Variants in PARL observed in about 807,000 individuals in gnomAD.
PARL encodes the protein presenilin associated rhomboid like.
PARL carries 44 observed loss-of-function variants against 51.6 expected under a neutral mutation model. The observed-to-expected ratio is 0.85, with a 90% CI of 0.67 to 1.10. The LOEUF (loss-of-function observed/expected upper bound fraction) is 1.10. Ranked by LOEUF, PARL falls within the 50% of genes least tolerant of loss-of-function variation. The probability of loss-of-function intolerance (pLI) is 0.00; values close to 1 mark genes in which losing one functional copy is unlikely to be tolerated. For missense variants in PARL, 441 were observed against 469.5 expected (o/e 0.94, Z 0.56); for synonymous variants, 172 against 164.0 (o/e 1.05, Z -0.37).
At chr3:183,827,194 G>A (rs1272783471), downstream of PARL, among the ~76,000 whole-genome samples, 1 of 152,150 alleles carries the variant, frequency 6.6e-6, no homozygotes, top group Admixed American at 6.5e-5. Flanking sequence ...GCTCATGCGT[G>A]GAATCCCAGC....
At chr3:183,851,981 A>C (rs1730596696) in intron 4 of PARL, among the ~76,000 whole-genome samples, 1 of 152,128 alleles carries the variant, frequency 6.6e-6, no homozygotes, top group Non-Finnish European at 1.5e-5. Context: ...GCAACTTGGC[A>C]AGACCTCATC....
chr3:183,883,609 C>T, intron 1 of PARL: 1 of 985,362 alleles, frequency 1.0e-6, no homozygotes, highest in Non-Finnish European at 1.2e-6. Flanking sequence ...ACCATGCAAT[C>T]TCAAATGGGA....
intron 9 of PARL, among the ~76,000 whole-genome samples, chr3:183,831,755 A>T (rs1173987602): frequency 6.6e-6 from 1 of 152,186 alleles, no homozygotes; most frequent in Non-Finnish European, 1.5e-5. Flanking sequence ...AAAAAAAAAT[A>T]AATAAAAGAT....
At chr3:183,839,457 C>G (rs1294692464) in intron 7 of PARL, among the ~76,000 whole-genome samples, 2 of 152,122 alleles carry the variant, frequency 1.3e-5, no homozygotes, top group African/African-American at 4.8e-5. Flanking sequence ...CTTGTTCTGT[C>G]ACCCAGGCTG....
intron 1 of PARL, among the ~76,000 whole-genome samples, chr3:183,871,798 C>T (rs1733248087): frequency 6.6e-6 from 1 of 151,978 alleles, no homozygotes; most frequent in South Asian, 2.1e-4. Context: ...GTGATAGTCA[C>T]ACAGGTGTAT....
At position 183,829,358 on chromosome 3, in the gene PARL, C is replaced by A. The variant is rs904986070; in HGVS notation, c.*240G>T. On this transcript the variant is annotated 3_prime_UTR_variant, in exon 10 of 10. Coordinates refer to ENST00000317096, the MANE Select transcript of PARL (RefSeq NM_018622.7). Reference sequence around the variant, plus strand: ...CCAAAGCAAAATGCCAGAGCCGTGTCGGCCCCTTAAAGAGAGAACACACAC... The same window carrying A: ...CCAAAGCAAAATGCCAGAGCCGTGTAGGCCCCTTAAAGAGAGAACACACAC... The A allele has an allele frequency of 3.0e-5, 41 of 1,374,030 alleles. No homozygotes were observed. The highest frequency in any genetic ancestry group is 3.8e-5 in the Non-Finnish European group (40 of 1,051,712). The allele number at this position is 1,374,030 out of a possible 1,614,324, so 85.1% of individuals were successfully genotyped here. A position where few individuals can be genotyped will look rare whatever the true frequency, so the allele number is the denominator to read the frequency against.
At chr3:183,882,219 A>AT (rs1734525423) in intron 1 of PARL, among the ~76,000 whole-genome samples, 2 of 68,326 alleles carry the variant, frequency 2.9e-5, no homozygotes, top group African/African-American at 8.0e-5. Context: ...AAAAAAAAAA[A>AT]AAAATATATA....
chr3:183,847,681 A>G lies in PARL; in HGVS notation c.512-3355T>C, dbSNP rs571181646. 3.9e-5 allele frequency among the ~76,000 whole-genome samples: 6 copies of G among 152,298 alleles called. No homozygotes were observed. In the South Asian group the frequency reaches 1.2e-3, roughly 32 times the overall value. On this transcript the variant is annotated intron_variant, in intron 4 of 9. Coordinates refer to ENST00000317096, the MANE Select transcript of PARL (RefSeq NM_018622.7). Reference sequence around the variant, plus strand: ...CCAGCAAATGGAAAACATGGTGAAAAGAGAATGGCCTTTTCAAGTCTGAAT... The same window carrying G: ...CCAGCAAATGGAAAACATGGTGAAAGGAGAATGGCCTTTTCAAGTCTGAAT...
At chr3:183,838,553 A>T (rs1186505121) in intron 7 of PARL, among the ~76,000 whole-genome samples, 1 of 152,204 alleles carries the variant, frequency 6.6e-6, no homozygotes, top group Non-Finnish European at 1.5e-5. Flanking sequence ...AACAGGAACT[A>T]CCATGTCCAC....
chr3:183,882,248 T>A (rs1279265045), intron 1 of PARL, among the ~76,000 whole-genome samples: 2,053 of 24,832 alleles, frequency 0.083, 261 homozygotes, highest in African/African-American at 0.19. Context: ...TATATATTTA[T>A]ATATATATAT....
chr3:183,836,170 T>C (rs1351679002), intron 7 of PARL, among the ~76,000 whole-genome samples: 1 of 131,886 alleles, frequency 7.6e-6, no homozygotes, highest in Non-Finnish European at 1.5e-5. Context: ...CGAGCCGAGA[T>C]CGCACCTTTG....
At chr3:183,845,651 G>A (rs904434137) in intron 4 of PARL, among the ~76,000 whole-genome samples, 2 of 152,188 alleles carry the variant, frequency 1.3e-5, no homozygotes, top group Non-Finnish European at 2.9e-5. Flanking sequence ...AATGAAGAGC[G>A]AAGAGCACTG....
chr3:183,862,731 A>C (rs1171719615), intron 4 of PARL, 22 bp downstream of exon 4: 1 of 1,602,246 alleles, frequency 6.2e-7, no homozygotes, highest in South Asian at 1.1e-5. Flanking sequence ...TGAATGGTTA[A>C]AACGTGTAAG....
At chr3:183,880,467 T>C (rs1454442902) in intron 1 of PARL, among the ~76,000 whole-genome samples, 1 of 152,122 alleles carries the variant, frequency 6.6e-6, no homozygotes, top group Non-Finnish European at 1.5e-5. Context: ...AATGCCGTGA[T>C]CTCGGCTCAC....
intron 4 of PARL, among the ~76,000 whole-genome samples, chr3:183,847,079 G>A (rs1010439780): frequency 2.0e-5 from 3 of 152,220 alleles, no homozygotes; most frequent in African/African-American, 7.2e-5. Context: ...CCCAGAAGCG[G>A]ATGAGCATGA....
At chr3:183,864,209 A>G (rs1157488509) in intron 3 of PARL, among the ~76,000 whole-genome samples, 1 of 152,224 alleles carries the variant, frequency 6.6e-6, no homozygotes, top group Non-Finnish European at 1.5e-5. Flanking sequence ...GAATGTGCCC[A>G]TGGGAAAACA....
At chr3:183,836,824 C>T (rs557274982) in intron 7 of PARL, among the ~76,000 whole-genome samples, 34 of 152,268 alleles carry the variant, frequency 2.2e-4, no homozygotes, top group African/African-American at 6.5e-4. Context: ...CTGCAACCTC[C>T]GCCTCCCAGG....
intron 4 of PARL, chr3:183,844,893 G>A (rs1479957433): frequency 6.6e-6 from 1 of 152,484 alleles, no homozygotes; most frequent in Non-Finnish European, 1.5e-5. Flanking sequence ...TTACATGTGG[G>A]AGTTGAGTGA....
intron 4 of PARL, among the ~76,000 whole-genome samples, chr3:183,851,825 CA>C (rs1208236016): frequency 6.6e-6 from 1 of 152,058 alleles, no homozygotes; most frequent in African/African-American, 2.4e-5. Context: ...AAATGGAAAT[CA>C]AAACTATACC....
Sources: gnomAD v4.1 joint callset for allele counts (sites outside exome capture counted in the v4.1 genomes callset) on GRCh38, gnomAD v4.1.1 for gene constraint, MANE v1.5 for transcripts, NCBI Gene and HGNC (gene_info 2026-07-23, HGNC 2026-07-21) for gene names.